ADCY2: variants seen among roughly 807,000 people sequenced by gnomAD.
The protein encoded by ADCY2 is adenylate cyclase type 2.
A neutral mutation model predicts 125.2 loss-of-function variants in ADCY2; 31 were observed. The observed-to-expected ratio is 0.25, with a 90% confidence interval of 0.19 to 0.33. The LOEUF is 0.33. ADCY2 is among the 10% of genes least tolerant of loss of function. The pLI, the probability that ADCY2 is intolerant of heterozygous loss-of-function variation, is 1.00. For synonymous variants in ADCY2, 512 were observed against 548.4 expected, an observed-to-expected ratio of 0.93 and a Z score of 0.93; for missense variants, 904 against 1,418.2, an observed-to-expected ratio of 0.64 and a Z score of 5.82.
chr5:7,635,980 C>T (rs1738488045), intron 4 of ADCY2, among the ~76,000 whole-genome samples: 2 of 152,154 alleles, frequency 1.3e-5, no homozygotes, highest in South Asian at 4.2e-4. Context: ...AGCCTGATAC[C>T]TAAGTGTTTA....
At chr5:7,705,629 C>T (rs1469227735) in intron 7 of ADCY2, among the ~76,000 whole-genome samples, 2 of 152,220 alleles carry the variant, frequency 1.3e-5, no homozygotes, top group African/African-American at 4.8e-5. Context: ...GGGGGTGGGT[C>T]TCCTTGTCCT....
chr5:7,670,315 T>C (rs1739890030), intron 4 of ADCY2, among the ~76,000 whole-genome samples: 1 of 152,202 alleles, frequency 6.6e-6, no homozygotes, highest in Non-Finnish European at 1.5e-5. Flanking sequence ...GAGACTGTGA[T>C]AGCCCGAGCC....
chr5:7,555,521 G>C (rs954848944), intron 3 of ADCY2, among the ~76,000 whole-genome samples: 1 of 152,100 alleles, frequency 6.6e-6, no homozygotes, highest in Non-Finnish European at 1.5e-5. Flanking sequence ...TTTGGTAACT[G>C]TTTGTATGTT....
chr5:7,400,485 CCA>C (rs1249391228), intron 1 of ADCY2, among the ~76,000 whole-genome samples: 2 of 152,142 alleles, frequency 1.3e-5, no homozygotes, highest in Admixed American at 1.3e-4. Flanking sequence ...TCTTATTCTT[CCA>C]AAACAAATTA....
intron 15 of ADCY2, among the ~76,000 whole-genome samples, chr5:7,753,632 G>T (rs909051529): frequency 6.6e-6 from 1 of 152,166 alleles, no homozygotes; most frequent in African/African-American, 2.4e-5. Context: ...ATCATATCAA[G>T]AGCCAAGTTG....
At chr5:7,430,539 A>G (rs1481017769) in intron 2 of ADCY2, among the ~76,000 whole-genome samples, 1 of 148,292 alleles carries the variant, frequency 6.7e-6, no homozygotes, top group Admixed American at 6.8e-5. Flanking sequence ...TATATACTAT[A>G]TATATATAGT....
At chr5:7,654,938 C>T (rs909374499) in intron 4 of ADCY2, among the ~76,000 whole-genome samples, 6 of 152,186 alleles carry the variant, frequency 3.9e-5, no homozygotes, top group Non-Finnish European at 7.3e-5. Context: ...AGAGTGGCAC[C>T]TTCTGAAATG....
chr5:7,461,460 A>T (rs1741916159), intron 2 of ADCY2, among the ~76,000 whole-genome samples: 1 of 152,258 alleles, frequency 6.6e-6, no homozygotes, highest in South Asian at 2.1e-4. Context: ...GTACATTCAG[A>T]GTGTATAATA....
chr5:7,511,695 G>T (rs1171899924), intron 2 of ADCY2, among the ~76,000 whole-genome samples: 1 of 152,098 alleles, frequency 6.6e-6, no homozygotes, highest in African/African-American at 2.4e-5. Context: ...TGAATGACAA[G>T]AAACAGCCAG....
intron 7 of ADCY2, among the ~76,000 whole-genome samples, chr5:7,703,876 C>T (rs188477013): frequency 1.1e-4 from 16 of 151,898 alleles, no homozygotes; most frequent in South Asian, 4.1e-4. Context: ...TGGTGGTGCA[C>T]GCCTGTAACT....
At chr5:7,816,108 A>C (rs1487260351) in intron 22 of ADCY2, among the ~76,000 whole-genome samples, 1 of 152,174 alleles carries the variant, frequency 6.6e-6, no homozygotes, top group Non-Finnish European at 1.5e-5. Flanking sequence ...CACCCCTTTA[A>C]AGACCCTATC....
At chr5:7,741,137 A>G (rs1467534407) in intron 14 of ADCY2, among the ~76,000 whole-genome samples, 1 of 152,052 alleles carries the variant, frequency 6.6e-6, no homozygotes, top group Admixed American at 6.5e-5. Context: ...TACATTTGAA[A>G]ATCTAAATGA....
chr5:7,544,730 G>GC (rs1434340875), intron 3 of ADCY2, among the ~76,000 whole-genome samples: 1 of 152,166 alleles, frequency 6.6e-6, no homozygotes, highest in Non-Finnish European at 1.5e-5. Flanking sequence ...TCATGCTCAG[G>GC]CCCACACCCT....
At chr5:7,442,639 C>T (rs928785909) in intron 2 of ADCY2, among the ~76,000 whole-genome samples, 1 of 152,146 alleles carries the variant, frequency 6.6e-6, no homozygotes, top group Admixed American at 6.5e-5. Flanking sequence ...TCATCTCTCA[C>T]TCACCCTGGT....
chr5:7,464,366 C>T (rs761713883), intron 2 of ADCY2, among the ~76,000 whole-genome samples: 4 of 152,140 alleles, frequency 2.6e-5, no homozygotes, highest in Non-Finnish European at 5.9e-5. Flanking sequence ...CTATAAGGTG[C>T]CAAACATGTA....
intron 2 of ADCY2, among the ~76,000 whole-genome samples, chr5:7,496,228 A>G (rs1422756037): frequency 6.6e-6 from 1 of 152,248 alleles, no homozygotes; most frequent in African/African-American, 2.4e-5. Flanking sequence ...AAGATAAAAA[A>G]TCAAAAGGAA....
chr5:7,434,103 TAAAG>T (rs1347378501), intron 2 of ADCY2, among the ~76,000 whole-genome samples: 2 of 152,104 alleles, frequency 1.3e-5, no homozygotes, highest in Non-Finnish European at 2.9e-5. Context: ...ACATTTTAAG[TAAAG>T]AAAGAATGAT....
intron 3 of ADCY2, among the ~76,000 whole-genome samples, chr5:7,600,402 C>T (rs980123926): frequency 2.0e-5 from 3 of 152,118 alleles, no homozygotes; most frequent in African/African-American, 7.2e-5. Context: ...TAATTGGAGC[C>T]ATTGGCAAAA....
intron 24 of ADCY2, among the ~76,000 whole-genome samples, chr5:7,824,642 T>A (rs1463424551): frequency 2.0e-5 from 3 of 152,246 alleles, no homozygotes; most frequent in African/African-American, 7.2e-5. Context: ...CATGGACATC[T>A]GGCACCTGTG....
Sources: allele counts gnomAD v4.1 joint callset (sites outside exome capture counted in the v4.1 genomes callset), GRCh38; gene constraint gnomAD v4.1.1; transcripts MANE v1.5; gene names NCBI Gene and HGNC (gene_info 2026-07-23, HGNC 2026-07-21).